ARHGAP44: variants seen among roughly 807,000 people sequenced by gnomAD.
ARHGAP44 encodes the protein rho GTPase-activating protein 44.
In ARHGAP44, 43 loss-of-function variants were observed where a neutral mutation model predicts 106.8. That is an observed-to-expected ratio of 0.40 (90% CI 0.32 to 0.52). The LOEUF is 0.52. Ranked by LOEUF, ARHGAP44 falls within the 20% of genes least tolerant of loss-of-function variation. The pLI, the probability that ARHGAP44 is intolerant of heterozygous loss-of-function variation, is 0.48. For missense variants in ARHGAP44, 866 were observed against 1,050.5 expected, an observed-to-expected ratio of 0.82 and a Z score of 2.43; for synonymous variants, 439 against 410.3, an observed-to-expected ratio of 1.07 and a Z score of -0.85.
At chr17:12,838,691 A>G (rs1423140462) in intron 1 of ARHGAP44, among the ~76,000 whole-genome samples, 2 of 152,062 alleles carry the variant, frequency 1.3e-5, no homozygotes, top group East Asian at 3.9e-4. Flanking sequence ...TTATTTTGAG[A>G]GGGAGTTTCA....
At chr17:12,945,461 C>T (rs977101982) in intron 10 of ARHGAP44, among the ~76,000 whole-genome samples, 11 of 152,068 alleles carry the variant, frequency 7.2e-5, no homozygotes, top group South Asian at 2.1e-4. Flanking sequence ...TTAGGGCATG[C>T]GGTACGTGTT....
rs573720006 is a variant in ARHGAP44, at chr17:12,949,157, C to T, written c.879C>T (p.Ala293=). Residue 293 remains alanine, a synonymous_variant, in exon 11 of 21, where the codon GCC becomes GCT. Coordinates refer to ENST00000379672, the MANE Select transcript of ARHGAP44 (RefSeq NM_014859.6). This position sits in a 1 kb window ranked among gnomAD's most constrained non-coding sequence, Gnocchi z 4.1. ...GMQEEGLFRV[A]PSASKLKKLK... ...GTTGGTAGGGACTCTTCCGAGTAGCCCCCTCTGCCTCCAAACTGAAGAAGC... is the reference window on the plus strand; with the variant it reads ...GTTGGTAGGGACTCTTCCGAGTAGCTCCCTCTGCCTCCAAACTGAAGAAGC... The T allele has an allele frequency of 2.4e-5, 38 of 1,573,970 alleles. No homozygotes were observed. The highest frequency in any genetic ancestry group is 2.2e-4 in the South Asian group (19 of 85,390).
At chr17:12,801,039 CA>C (rs2034076789) in intron 1 of ARHGAP44, among the ~76,000 whole-genome samples, 1 of 152,210 alleles carries the variant, frequency 6.6e-6, no homozygotes, top group Admixed American at 6.5e-5. Context: ...AAGATTCTTT[CA>C]CTTTGTTTTT....
chr17:12,956,618 T>C, intron 14 of ARHGAP44, 37 bp from the exon 15 acceptor site: 3 of 1,593,678 alleles, frequency 1.9e-6, no homozygotes, highest in Non-Finnish European at 2.6e-6. Flanking sequence ...CCTCAGCTGC[T>C]AACTCCACCC....
At chr17:12,806,284 A>G (rs1382974092) in intron 1 of ARHGAP44, among the ~76,000 whole-genome samples, 1 of 152,176 alleles carries the variant, frequency 6.6e-6, no homozygotes, top group Admixed American at 6.5e-5. Flanking sequence ...AGGGGAAAGC[A>G]TGTTAGCAGG....
rs2039798753 is a variant in ARHGAP44, at chr17:12,980,233, G to A, written c.1939G>A (p.Val647Ile). 1 of 1,605,682 alleles carries A rather than the reference G, an allele frequency of 6.2e-7. No individual in the cohort carries two copies. Among genetic ancestry groups the A allele is most frequent in the Admixed American group, 1.7e-5 (1 of 58,680 alleles). Residue 647 changes from valine to isoleucine, a missense_variant and splice_region_variant, in exon 19 of 21, where the codon GTT becomes ATT. Around this residue, in one of 2 missense-constraint regions of ARHGAP44, gnomAD observed 418 missense variants for 403.6 expected, o/e 1.04. Transcript: ENST00000379672. ...CCAGAGTCCTCACACCCTCCGGAAA[G>A]GTATGGCCCTGCTTCCCTTCTCCTT... is the stretch of plus-strand genomic sequence containing the variant. ...ADQSPHTLRK[V>I]SKKLAPIPPK...
intron 1 of ARHGAP44, among the ~76,000 whole-genome samples, chr17:12,810,009 C>T (rs1322344762): frequency 6.6e-6 from 1 of 151,950 alleles, no homozygotes; most frequent in African/African-American, 2.4e-5. Context: ...GAATCATCAG[C>T]AGGGGGGTGG....
chr17:12,903,132 AGAGAGAGAGTGTGTGTGTGTGTGTGTGT>A lies in ARHGAP44; in HGVS notation c.199-5763_199-5736del, dbSNP rs2037439219. On this transcript the variant is annotated intron_variant, in intron 3 of 20. Transcript: ENST00000379672. ...AGAGAGAGAGAGAGAGAGAGGAGAGAGAGAGAGAGTGTGTGTGTGTGTGTGTGTGTGTGTGTGTGTGTGTGTGTGTGTG... is the reference window on the plus strand; with the variant it reads ...AGAGAGAGAGAGAGAGAGAGGAGAGAGTGTGTGTGTGTGTGTGTGTGTGTG... 4.8e-5 allele frequency among the ~76,000 whole-genome samples: 6 copies of A among 125,942 alleles called. No homozygotes were observed. The South Asian group carries it at 1.3e-3, about 28-fold the overall frequency. The allele number at this position is 125,942 out of a possible 152,430, so 82.6% of individuals were successfully genotyped here. A position where few individuals can be genotyped will look rare whatever the true frequency, so the allele number is the denominator to read the frequency against.
chr17:12,828,091 A>G (rs554638025), intron 1 of ARHGAP44, among the ~76,000 whole-genome samples: 3 of 151,620 alleles, frequency 2.0e-5, no homozygotes, highest in Admixed American at 6.6e-5. Flanking sequence ...AAAATATTAC[A>G]TTGAATCATA....
At chr17:12,941,684 G>A (rs2038713091) in intron 8 of ARHGAP44, among the ~76,000 whole-genome samples, 1 of 152,182 alleles carries the variant, frequency 6.6e-6, no homozygotes, top group Non-Finnish European at 1.5e-5. Context: ...GATGATTGAT[G>A]TGGCCTGTTG....
At chr17:12,938,585 A>ATT (rs2038616544) in intron 7 of ARHGAP44, among the ~76,000 whole-genome samples, 2 of 150,666 alleles carry the variant, frequency 1.3e-5, no homozygotes, top group Admixed American at 6.6e-5. Flanking sequence ...TATATATTAA[A>ATT]AAAAAAAAAA....
intron 1 of ARHGAP44, among the ~76,000 whole-genome samples, chr17:12,864,320 A>G (rs2036173617): frequency 6.6e-6 from 1 of 152,096 alleles, no homozygotes; most frequent in African/African-American, 2.4e-5. Flanking sequence ...ACTGGTGTGA[A>G]TTGAGAGGCC....
chr17:12,811,094 C>T (rs991166633), intron 1 of ARHGAP44, among the ~76,000 whole-genome samples: 17 of 151,952 alleles, frequency 1.1e-4, no homozygotes, highest in Non-Finnish European at 2.4e-4. Flanking sequence ...GGGCGGATCA[C>T]GAGGTCAGGA....
chr17:12,895,531 A>G (rs2037178256), intron 2 of ARHGAP44, among the ~76,000 whole-genome samples: 2 of 152,072 alleles, frequency 1.3e-5, no homozygotes, highest in South Asian at 4.2e-4. Flanking sequence ...CCACTTTTTG[A>G]TGGGGTTGTT....
intron 1 of ARHGAP44, among the ~76,000 whole-genome samples, chr17:12,889,464 A>G (rs937603167): frequency 6.6e-6 from 1 of 152,126 alleles, no homozygotes. Flanking sequence ...AGAAACCCAC[A>G]TCTGTGACAA....
At position 12,814,235 on chromosome 17, in the gene ARHGAP44, G is replaced by T. The variant is rs1203403367; in HGVS notation, c.53+24344G>T. On this transcript the variant is annotated intron_variant, in intron 1 of 20. Coordinates refer to ENST00000379672, the MANE Select transcript of ARHGAP44 (RefSeq NM_014859.6). ...CTGTGCAGCCACCTCCCAAACTGGT[G>T]TTTTTTTTTTTTTTTTTTTTTTTGA... 3.4e-3 allele frequency among the ~76,000 whole-genome samples: 294 copies of T among 87,284 alleles called. 2 individuals carry two copies. The highest frequency in any genetic ancestry group is 4.6e-3 in the Non-Finnish European group (213 of 46,214). The allele number at this position is 87,284 out of a possible 152,430, so 57.3% of individuals were successfully genotyped here. A position where few individuals can be genotyped will look rare whatever the true frequency, so the allele number is the denominator to read the frequency against.
intron 5 of ARHGAP44, among the ~76,000 whole-genome samples, chr17:12,918,786 C>G (rs1292615788): frequency 6.6e-6 from 1 of 152,068 alleles, no homozygotes; most frequent in African/African-American, 2.4e-5. Context: ...ACTTTTGGCC[C>G]TTCTGGAAGT....
intron 1 of ARHGAP44, among the ~76,000 whole-genome samples, chr17:12,870,186 C>T (rs1374923987): frequency 2.0e-5 from 3 of 151,338 alleles, no homozygotes; most frequent in Non-Finnish European, 4.4e-5. Context: ...GTAGCTGAGA[C>T]TACAAGTGTG....
intron 1 of ARHGAP44, among the ~76,000 whole-genome samples, chr17:12,827,629 C>G (rs1184745108): frequency 1.3e-5 from 2 of 152,044 alleles, no homozygotes; most frequent in African/African-American, 4.8e-5. Flanking sequence ...TAATACTTTA[C>G]TCCCTAGAGG....
Sources: allele counts gnomAD v4.1 joint callset (sites outside exome capture counted in the v4.1 genomes callset), GRCh38; gene constraint gnomAD v4.1.1; regional missense constraint gnomAD v4.1.1; non-coding constraint Gnocchi (gnomAD v3.1); transcripts MANE v1.5; gene names NCBI Gene and HGNC (gene_info 2026-07-23, HGNC 2026-07-21).